The following PAFAH1B1 variants were observed in gnomAD, a reference collection of about 807,000 sequenced individuals.
PAFAH1B1 encodes platelet-activating factor acetylhydrolase IB subunit beta.
A neutral mutation model predicts 57.5 loss-of-function variants in PAFAH1B1; 2 were observed. That is an observed-to-expected ratio of 0.03 (90% CI 0.01 to 0.11). The LOEUF (loss-of-function observed/expected upper bound fraction) is 0.11, where lower values mean the gene tolerates loss of function less well. Ranked by LOEUF, PAFAH1B1 falls within the 10% of genes least tolerant of loss-of-function variation. The pLI is 1.00. For synonymous variants in PAFAH1B1, 152 were observed against 169.6 expected (o/e 0.90, Z 0.81); for missense variants, 257 against 512.0 (o/e 0.50, Z 4.81).
Position 2,676,505 on chromosome 17 carries a change from A to G in PAFAH1B1, c.901A>G (p.Thr301Ala). Reference protein sequence around the residue: ...SSISEATGSETKKSGKPGPFL... With the variant: ...SSISEATGSEAKKSGKPGPFL... ...TTAATTTTTATTATGTTTTCTGTAG[A>G]CTAAAAAAAGTGGTAAACCTGGGCC... is the stretch of plus-strand genomic sequence containing the variant. Residue 301 changes from threonine (T) to alanine (A), a missense_variant and splice_region_variant, in exon 9 of 11, where the codon ACT (threonine) becomes GCT (alanine). Transcript: ENST00000397195. 1 of 1,596,008 alleles carries G rather than the reference A, an allele frequency of 6.3e-7. No homozygotes were observed. Among genetic ancestry groups the G allele is most frequent in the Non-Finnish European group, 8.6e-7 (1 of 1,164,288 alleles).
intron 1 of PAFAH1B1, among the ~76,000 whole-genome samples, chr17:2,623,010 A>G (rs12452637): frequency 0.39 from 59,922 of 152,002 alleles, 13,381 homozygotes; most frequent in African/African-American, 0.61. Flanking sequence ...CCACAGCTGG[A>G]GTGGCTGGGA....
At chr17:2,655,183 ATGTGTGTGTGTGTGTG>A (rs34493806) in intron 2 of PAFAH1B1, among the ~76,000 whole-genome samples, 2 of 143,826 alleles carry the variant, frequency 1.4e-5, no homozygotes, top group Non-Finnish European at 1.5e-5. Flanking sequence ...ATATACATAT[ATGTGTGTGTGTGTGTG>A]TGTGTGTGTG....
chr17:2,638,881 T>A (rs1455196086), intron 2 of PAFAH1B1, among the ~76,000 whole-genome samples: 2 of 151,744 alleles, frequency 1.3e-5, no homozygotes, highest in Non-Finnish European at 2.9e-5. Context: ...TCAGTTGGGA[T>A]GAGTTTTACC....
At chr17:2,677,354 G>A (rs913504665) in intron 9 of PAFAH1B1, among the ~76,000 whole-genome samples, 4 of 152,132 alleles carry the variant, frequency 2.6e-5, no homozygotes, top group African/African-American at 9.7e-5. Flanking sequence ...AGAAAGATAT[G>A]TCAATACTAG....
chr17:2,593,590 G>GGCGGC (rs2068046116), upstream of PAFAH1B1, among the ~76,000 whole-genome samples: 2 of 148,666 alleles, frequency 1.3e-5, no homozygotes, highest in Non-Finnish European at 3.0e-5. Context: ...GGCGGGTCTG[G>GGCGGC]GGCGGCGGCG....
chr17:2,677,383 C>G (rs947650686), intron 9 of PAFAH1B1, among the ~76,000 whole-genome samples: 3 of 152,120 alleles, frequency 2.0e-5, no homozygotes, highest in African/African-American at 7.2e-5. Flanking sequence ...TGTGGACATT[C>G]CTATGTGCCT....
intron 2 of PAFAH1B1, among the ~76,000 whole-genome samples, chr17:2,652,650 C>T (rs1028801664): frequency 1.1e-4 from 17 of 152,244 alleles, no homozygotes; most frequent in East Asian, 5.8e-4. Flanking sequence ...TGCACCTGCC[C>T]GCGCACTTCA....
At chr17:2,678,400 CAAAAAA>C (rs11394999) in intron 9 of PAFAH1B1, among the ~76,000 whole-genome samples, 158 of 81,020 alleles carry the variant, frequency 2.0e-3, no homozygotes, top group East Asian at 4.5e-3. Flanking sequence ...GAAACCATCT[CAAAAAA>C]AAAAAAAAAA....
At chr17:2,611,233 A>T (rs1223133600) in intron 1 of PAFAH1B1, among the ~76,000 whole-genome samples, 1 of 152,010 alleles carries the variant, frequency 6.6e-6, no homozygotes, top group East Asian at 1.9e-4. Flanking sequence ...ACTTTGGGAG[A>T]CTGAGGCAGG....
rs373524248 is a variant in PAFAH1B1 at position 2,665,481 on chromosome 17, A to C, written c.117+25A>C. On this transcript the variant is annotated intron_variant, in intron 3 of 10. Coordinates refer to ENST00000397195, the MANE Select transcript of PAFAH1B1 (RefSeq NM_000430.4). ...GGTATGTTTTACTTTTTACAATTCA[A>C]AGTATAGTTAATGAGTGGATTTTCA... The C allele has an allele frequency of 5.4e-6, 7 of 1,294,910 alleles. No individual in the cohort carries two copies. The South Asian group carries it at 7.1e-5, about 13-fold the overall frequency. 80.2% of individuals were successfully genotyped at this position (1,294,910 alleles called of 1,614,324 possible).
At chr17:2,629,758 G>A (rs2068533203) in intron 1 of PAFAH1B1, among the ~76,000 whole-genome samples, 1 of 152,104 alleles carries the variant, frequency 6.6e-6, no homozygotes, top group African/African-American at 2.4e-5. Flanking sequence ...ATAAATTTGG[G>A]CACTCCAGTG....
intron 2 of PAFAH1B1, among the ~76,000 whole-genome samples, chr17:2,648,842 A>G (rs2068809555): frequency 6.6e-6 from 1 of 152,088 alleles, no homozygotes; most frequent in Non-Finnish European, 1.5e-5. Flanking sequence ...TACAACAAAC[A>G]TTAAAATATA....
chr17:2,637,155 T>A (rs2068634985), intron 1 of PAFAH1B1, among the ~76,000 whole-genome samples: 2 of 152,192 alleles, frequency 1.3e-5, no homozygotes. Flanking sequence ...GTTTCTAGAT[T>A]GGTTGTCCCA....
At chr17:2,635,953 C>CA (rs560825633) in intron 1 of PAFAH1B1, among the ~76,000 whole-genome samples, 1,922 of 70,854 alleles carry the variant, frequency 0.027, 29 homozygotes, top group African/African-American at 0.057. Context: ...TAGAAAAATA[C>CA]AAAAAAAAAA....
Position 2,619,273 on chromosome 17 carries a change from C to T in PAFAH1B1, c.-190-18826C>T, listed in dbSNP as rs557482304. Among the ~76,000 whole-genome samples, 31 of 152,216 alleles carry T rather than the reference C, an allele frequency of 2.0e-4. No homozygotes were observed. In the East Asian group the frequency reaches 6.0e-3, roughly 29 times the overall value. On this transcript the variant is annotated intron_variant, in intron 1 of 10. Transcript: ENST00000397195. ...GCTTAGGTGATCCTCCCACTTCAGC[C>T]TCTGGGTAGCTGGGACCTAAGTATG...
At chr17:2,607,476 T>A (rs952375322) in intron 1 of PAFAH1B1, among the ~76,000 whole-genome samples, 1 of 150,500 alleles carries the variant, frequency 6.6e-6, no homozygotes, top group African/African-American at 2.4e-5. Flanking sequence ...CGCCTGGCCT[T>A]TTCTTTTCTT....
Position 2,638,173 on chromosome 17 carries a change from G to A in PAFAH1B1, c.-116G>A, listed in dbSNP as rs2068647547. On this transcript the variant is annotated 5_prime_UTR_variant, in exon 2 of 11. In the 5' UTR this introduces an upstream ATG that the reference lacks. Coordinates refer to ENST00000397195, the MANE Select transcript of PAFAH1B1 (RefSeq NM_000430.4). ...ATTTGTGAAAGAATCATTTTCCCCT[G>A]TGTGGAAGACACTTAGTGGCATATT... 4.1e-6 allele frequency: 3 copies of A among 737,126 alleles called. No homozygotes were observed. Among genetic ancestry groups the A allele is most frequent in the Non-Finnish European group, 4.7e-6 (2 of 422,736 alleles). 45.7% of individuals were successfully genotyped at this position (737,126 alleles called of 1,614,324 possible). A position where few individuals can be genotyped will look rare whatever the true frequency, so the allele number is the denominator to read the frequency against.
intron 2 of PAFAH1B1, among the ~76,000 whole-genome samples, chr17:2,663,819 CA>C (rs1401650944): frequency 6.6e-6 from 1 of 151,898 alleles, no homozygotes; most frequent in Non-Finnish European, 1.5e-5. Flanking sequence ...GTCAGTCTTC[CA>C]AGTAGCTGGG....
chr17:2,660,549 T>C (rs2069001289), intron 2 of PAFAH1B1, among the ~76,000 whole-genome samples: 1 of 152,202 alleles, frequency 6.6e-6, no homozygotes, highest in South Asian at 2.1e-4. Flanking sequence ...TGGTGGCTTC[T>C]AGCTTCATCC....
Sources: allele counts gnomAD v4.1 joint callset (sites outside exome capture counted in the v4.1 genomes callset), GRCh38; gene constraint gnomAD v4.1.1; transcripts MANE v1.5; gene names NCBI Gene and HGNC (gene_info 2026-07-23, HGNC 2026-07-21).